The following CYREN variants were observed in gnomAD, a reference collection of about 807,000 sequenced individuals.
CYREN encodes cell cycle regulator of NHEJ, also known as cell cycle regulator of non-homologous end joining.
In CYREN, 7 loss-of-function variants were observed where a neutral mutation model predicts 9.7. The observed-to-expected ratio is 0.72, with a 90% CI of 0.41 to 1.36. The LOEUF (loss-of-function observed/expected upper bound fraction) is 1.36. Ranked by LOEUF, CYREN falls within the 40% of genes most tolerant of loss-of-function variation. The pLI is 0.01. For missense variants in CYREN, 215 were observed against 198.1 expected, an observed-to-expected ratio of 1.09 and a Z score of -0.51; for synonymous variants, 76 against 77.9, an observed-to-expected ratio of 0.98 and a Z score of 0.13.
chr7:135,093,263 T>C (rs535080807), exon 3 of CYREN: 20 of 151,618 alleles, frequency 1.3e-4, no homozygotes, highest in African/African-American at 4.3e-4. Context: ...GTAGGATATA[T>C]GTTCTTGTAT....
At chr7:135,120,886 C>T (rs1827043608) in intron 2 of CYREN, among the ~76,000 whole-genome samples, 1 of 152,150 alleles carries the variant, frequency 6.6e-6, no homozygotes, top group South Asian at 2.1e-4. Flanking sequence ...ACTAGAAACA[C>T]AGCAATCTTA....
intron 2 of CYREN, among the ~76,000 whole-genome samples, chr7:135,146,633 G>A (rs1477863514): frequency 2.0e-5 from 3 of 152,152 alleles, no homozygotes; most frequent in Non-Finnish European, 4.4e-5. Context: ...AGGAAGAGAG[G>A]AAGCATACTT....
At chr7:135,133,628 C>T (rs1361764720) in intron 2 of CYREN, among the ~76,000 whole-genome samples, 1 of 152,070 alleles carries the variant, frequency 6.6e-6, no homozygotes, top group East Asian at 1.9e-4. Context: ...CATAAATTTG[C>T]TCCACTGATT....
At chr7:135,116,213 C>T (rs2348278) in intron 2 of CYREN, among the ~76,000 whole-genome samples, 73,729 of 151,942 alleles carry the variant, frequency 0.49, 18,250 homozygotes, top group South Asian at 0.66. Flanking sequence ...CATGAGAAAA[C>T]TGAGGTGCAA....
At chr7:135,101,778 G>C (rs887205047) in intron 2 of CYREN, among the ~76,000 whole-genome samples, 1 of 152,112 alleles carries the variant, frequency 6.6e-6, no homozygotes, top group Non-Finnish European at 1.5e-5. Flanking sequence ...ATTCCATCAT[G>C]GTTGATATGG....
At chr7:135,137,220 C>CA (rs755798687) in intron 2 of CYREN, among the ~76,000 whole-genome samples, 163 of 145,388 alleles carry the variant, frequency 1.1e-3, no homozygotes, top group Middle Eastern at 3.5e-3. Context: ...AACTAAGAAA[C>CA]AAAAAAAAAA....
chr7:135,171,145 T>C (rs1171976175), upstream of CYREN, among the ~76,000 whole-genome samples: 1 of 152,104 alleles, frequency 6.6e-6, no homozygotes, highest in Non-Finnish European at 1.5e-5. Flanking sequence ...AAGAAAATAA[T>C]AGAATAGCGT....
intron 1 of CYREN, chr7:135,170,135 T>C (rs1024628352): frequency 2.6e-5 from 4 of 152,298 alleles, no homozygotes; most frequent in Non-Finnish European, 4.4e-5. Context: ...ACAGAAAAGT[T>C]TGAAATCAGC....
chr7:135,166,597 G>A lies in CYREN; in HGVS notation c.*14C>T. 1 of 1,571,094 alleles carries A rather than the reference G, an allele frequency of 6.4e-7. No homozygotes were observed. ...AGCTGCTCTCGGCAGACAGTTCAGT[G>A]CACAGTTTATGCCCTAGCTGAAAAA... On this transcript the variant is annotated 3_prime_UTR_variant, in exon 4 of 4. Coordinates refer to ENST00000393114, the MANE Select transcript of CYREN (RefSeq NM_024033.4).
chr7:135,129,300 C>G (rs1263404019), intron 2 of CYREN: 1 of 1,475,278 alleles, frequency 6.8e-7, no homozygotes, highest in Admixed American at 1.7e-5. Flanking sequence ...GTTGACCTAC[C>G]ATGGGGTCTC....
In CYREN at chr7:135,170,012, G is replaced by A. The variant is rs115368732; in HGVS notation, c.-139+640C>T. On this transcript the variant is annotated intron_variant, in intron 1 of 3. Coordinates refer to ENST00000393114, the MANE Select transcript of CYREN (RefSeq NM_024033.4). ...ATTAGTGACTCCTACCCCCTAAGGCGCCTCCCAAGCGCAATGCTGCAGTCT... is the reference window on the plus strand; with the variant it reads ...ATTAGTGACTCCTACCCCCTAAGGCACCTCCCAAGCGCAATGCTGCAGTCT... Among the ~76,000 whole-genome samples, 377 of 152,358 alleles carry A rather than the reference G, an allele frequency of 2.5e-3. 2 individuals are homozygous for A. Among genetic ancestry groups the A allele is most frequent in the African/African-American group, 8.6e-3 (357 of 41,582 alleles).
downstream of CYREN, chr7:135,164,398 C>T: frequency 6.4e-7 from 1 of 1,552,712 alleles, no homozygotes; most frequent in Non-Finnish European, 8.8e-7. Flanking sequence ...GATGGACTGA[C>T]TGCTGTGACT....
intron 2 of CYREN, among the ~76,000 whole-genome samples, chr7:135,118,306 A>G (rs35826250): frequency 0.44 from 67,148 of 152,042 alleles, 15,492 homozygotes; most frequent in East Asian, 0.78. Context: ...TTAATATATA[A>G]GGAACCTCTT....
chr7:135,117,319 C>T lies in CYREN; in HGVS notation n.357-22737G>A, dbSNP rs139818645. Among the ~76,000 whole-genome samples, 319 of 152,102 alleles carry T rather than the reference C, an allele frequency of 2.1e-3. 1 individual carries two copies. The highest frequency in any genetic ancestry group is 7.0e-3 in the African/African-American group (291 of 41,512). ...GTTAACATGCAATTCACCTATTAAT[C>T]CACCTAGACCCTATTCATTTTGGCT... On this transcript the variant is annotated intron_variant and non_coding_transcript_variant, in intron 2 of 2. Transcript: ENST00000459937.
At chr7:135,137,760 G>C (rs1302730262) in intron 2 of CYREN, among the ~76,000 whole-genome samples, 1 of 152,034 alleles carries the variant, frequency 6.6e-6, no homozygotes, top group Non-Finnish European at 1.5e-5. Context: ...GCTGCTTAAT[G>C]AAACAATAGA....
At chr7:135,100,519 G>A (rs182936764) in intron 2 of CYREN, among the ~76,000 whole-genome samples, 1 of 152,150 alleles carries the variant, frequency 6.6e-6, no homozygotes, top group Non-Finnish European at 1.5e-5. Flanking sequence ...ACAACAGAGA[G>A]ACCATGGTAT....
intron 2 of CYREN, among the ~76,000 whole-genome samples, chr7:135,098,704 A>G (rs183700521): frequency 2.6e-5 from 4 of 152,324 alleles, no homozygotes; most frequent in Admixed American, 2.6e-4. Context: ...ACTACATCAA[A>G]GAAAGATATC....
At chr7:135,101,011 G>A (rs1823751945) in intron 2 of CYREN, 1 of 355,720 alleles carries the variant, frequency 2.8e-6, no homozygotes, top group Admixed American at 3.7e-5. Flanking sequence ...ATATAACATG[G>A]CTATTACATT....
At chr7:135,120,946 G>A (rs1347533661) in intron 2 of CYREN, among the ~76,000 whole-genome samples, 1 of 152,214 alleles carries the variant, frequency 6.6e-6, no homozygotes, top group Non-Finnish European at 1.5e-5. Flanking sequence ...GCTTACACCT[G>A]TAATCCCAGC....
Sources: allele counts gnomAD v4.1 joint callset (sites outside exome capture counted in the v4.1 genomes callset), GRCh38; gene constraint gnomAD v4.1.1; transcripts MANE v1.5; gene names NCBI Gene and HGNC (gene_info 2026-07-23, HGNC 2026-07-21).